FILIP1: variants seen among roughly 807,000 people sequenced by gnomAD.
The protein encoded by FILIP1 is filamin-A-interacting protein 1.
Under a neutral mutation model 102.1 loss-of-function variants are expected in FILIP1, and 61 were observed. The observed-to-expected ratio is 0.60, with a 90% CI of 0.49 to 0.74. The LOEUF (loss-of-function observed/expected upper bound fraction) is 0.74. FILIP1 is among the 30% of genes least tolerant of loss of function. The probability of loss-of-function intolerance (pLI) is 0.00; values close to 1 mark genes in which losing one functional copy is unlikely to be tolerated. For missense variants in FILIP1, 1,314 were observed against 1,441.2 expected (o/e 0.91, Z 1.43); for synonymous variants, 491 against 526.9 (o/e 0.93, Z 0.93).
At chr6:75,305,160 A>C (rs977269933), downstream of FILIP1, among the ~76,000 whole-genome samples, 1 of 152,206 alleles carries the variant, frequency 6.6e-6, no homozygotes, top group African/African-American at 2.4e-5. Context: ...TTTGGGAATC[A>C]TATCTTCCTG....
chr6:75,458,893 A>C (rs1433176444), intron 1 of FILIP1: 2 of 152,160 alleles, frequency 1.3e-5, no homozygotes, highest in African/African-American at 2.4e-5. Context: ...AAAACTACTC[A>C]AAAGAAAAAA....
chr6:75,363,643 T>A (rs1055257729), intron 2 of FILIP1, among the ~76,000 whole-genome samples: 2 of 152,244 alleles, frequency 1.3e-5, no homozygotes, highest in African/African-American at 4.8e-5. Context: ...GTAGGCTTTA[T>A]ATCATACTGT....
At chr6:75,357,362 C>T (rs1258302458) in intron 3 of FILIP1, 1 of 152,200 alleles carries the variant, frequency 6.6e-6, no homozygotes, top group African/African-American at 2.4e-5. Context: ...GTTCTGGGGC[C>T]GCCCAGGCAG....
At chr6:75,384,578 G>A (rs1032679182) in intron 2 of FILIP1, among the ~76,000 whole-genome samples, 1 of 152,034 alleles carries the variant, frequency 6.6e-6, no homozygotes, top group Non-Finnish European at 1.5e-5. Flanking sequence ...TAGTAGGAGT[G>A]AGATTTCGGA....
rs1188168483 is a variant in FILIP1, at chr6:75,312,398, A to G, written c.3434T>C (p.Val1145Ala). Residue 1145 changes from valine to alanine, a missense_variant and splice_region_variant, in exon 5 of 6, where the codon GTG becomes GCG. Val to Ala is a moderately conservative substitution (Grantham distance 64). Around this residue, in one of 3 missense-constraint regions of FILIP1, gnomAD observed 816 missense variants for 913.1 expected, o/e 0.89. Transcript: ENST00000237172. ...CGCTTTGGAGCCTCTTCTACTCACC[A>G]CTGACTGGGTTCCTCGAGCAGATGA... ...TTSSARGTQS[V>A]SGQDGSSQRP... is the part of the protein sequence containing the mutation. 2 of 1,612,172 alleles carry G rather than the reference A, an allele frequency of 1.2e-6. No homozygotes were observed. Among genetic ancestry groups the G allele is most frequent in the Admixed American group, 3.3e-5 (2 of 59,922 alleles).
chr6:75,463,584 C>A (rs961282735), intron 1 of FILIP1, among the ~76,000 whole-genome samples: 4 of 152,168 alleles, frequency 2.6e-5, no homozygotes, highest in African/African-American at 9.7e-5. Context: ...AAACAGTTTT[C>A]TGGATATCAT....
intron 1 of FILIP1, among the ~76,000 whole-genome samples, chr6:75,427,582 G>A (rs930907981): frequency 3.3e-5 from 5 of 152,108 alleles, no homozygotes; most frequent in African/African-American, 1.2e-4. Context: ...TCATTAAGAG[G>A]GAATGGTACA....
At chr6:75,453,927 G>A (rs2149739037) in intron 1 of FILIP1, 1 of 456,268 alleles carries the variant, frequency 2.2e-6, no homozygotes, top group Admixed American at 2.4e-5. Context: ...AATGAAGACA[G>A]AAACAATGAC....
At chr6:75,489,235 T>G (rs545551758) in intron 1 of FILIP1, among the ~76,000 whole-genome samples, 1 of 152,068 alleles carries the variant, frequency 6.6e-6, no homozygotes, top group South Asian at 2.1e-4. Flanking sequence ...TTTTTAGTAA[T>G]GGTTCTATAA....
intron 4 of FILIP1, chr6:75,334,784 G>C (rs2149582581): frequency 6.6e-6 from 1 of 152,282 alleles, no homozygotes; most frequent in Non-Finnish European, 1.5e-5. Flanking sequence ...CCTGTCATCA[G>C]AACAATGAAA....
intron 3 of FILIP1, among the ~76,000 whole-genome samples, chr6:75,355,559 C>T (rs1257903596): frequency 2.6e-5 from 4 of 151,904 alleles, no homozygotes; most frequent in South Asian, 2.1e-4. Flanking sequence ...CAAGTCATCA[C>T]GTCCAGCTAA....
chr6:75,314,181 T>G lies in FILIP1; in HGVS notation c.1651A>C (p.Ser551Arg). ...MDVTEKLIEESKKLLKLKSEM... is the reference protein window; with the variant it reads ...MDVTEKLIEERKKLLKLKSEM... ...GATTTTAGTTTTAAAAGTTTCTTAC[T>G]TTCTTCAATTAGTTTTTCAGTTACA... The change falls in exon 5 of 6, where the codon AGT becomes CGT. Residue 551 changes from serine to arginine, a missense_variant. Coordinates refer to ENST00000237172, the MANE Select transcript of FILIP1 (RefSeq NM_015687.5). The G allele has an allele frequency of 1.3e-6, 2 of 1,551,386 alleles. No individual in the cohort carries two copies. Among genetic ancestry groups the G allele is most frequent in the Non-Finnish European group, 1.7e-6 (2 of 1,160,574 alleles).
intron 1 of FILIP1, among the ~76,000 whole-genome samples, chr6:75,434,864 C>T (rs1777958307): frequency 6.6e-6 from 1 of 152,218 alleles, no homozygotes; most frequent in Admixed American, 6.5e-5. Context: ...TACGTCCCAT[C>T]AATACCTAGT....
intron 4 of FILIP1, among the ~76,000 whole-genome samples, chr6:75,350,563 C>G (rs1774762497): frequency 6.6e-6 from 1 of 152,032 alleles, no homozygotes; most frequent in Non-Finnish European, 1.5e-5. Flanking sequence ...TAAACACATC[C>G]TGCATAGGCT....
intron 6 of FILIP1, among the ~76,000 whole-genome samples, chr6:75,297,740 T>G (rs1020467679): frequency 6.6e-6 from 1 of 152,172 alleles, no homozygotes; most frequent in African/African-American, 2.4e-5. Context: ...CTGCAGTAGA[T>G]TCCAAAGAGT....
chr6:75,425,397 C>G (rs1318308001), intron 1 of FILIP1, among the ~76,000 whole-genome samples: 1 of 152,114 alleles, frequency 6.6e-6, no homozygotes, highest in African/African-American at 2.4e-5. Flanking sequence ...TCAGATTCAG[C>G]GTGGGCAGGA....
chr6:75,410,450 C>T lies in FILIP1; in HGVS notation c.276+4247G>A, dbSNP rs116965593. On this transcript the variant is annotated intron_variant, in intron 2 of 5. Transcript: ENST00000237172. ...TTCTGGGATATATTTGCAGAACATGCGGGTTTGTTACATAGGTATACATGT... is the reference window on the plus strand; with the variant it reads ...TTCTGGGATATATTTGCAGAACATGTGGGTTTGTTACATAGGTATACATGT... Among the ~76,000 whole-genome samples the T allele has an allele frequency of 1.7e-3, 260 of 151,444 alleles. 1 individual carries two copies. The highest frequency in any genetic ancestry group is 6.2e-3 in the East Asian group (32 of 5,144).
chr6:75,398,509 T>A (rs1382389331), intron 2 of FILIP1, among the ~76,000 whole-genome samples: 1 of 152,074 alleles, frequency 6.6e-6, no homozygotes, highest in Non-Finnish European at 1.5e-5. Context: ...GGAGGGAAGA[T>A]CATGAGGAAG....
chr6:75,309,851 TTCAAGCCTGCTCCA>T (rs1005974248), intron 5 of FILIP1, among the ~76,000 whole-genome samples: 4 of 152,312 alleles, frequency 2.6e-5, no homozygotes, highest in African/African-American at 9.6e-5. Context: ...ACTACCATAG[TTCAAGCCTGCTCCA>T]TCATTAAGAT....
Sources: gnomAD v4.1 joint callset for allele counts (sites outside exome capture counted in the v4.1 genomes callset) on GRCh38, gnomAD v4.1.1 for gene constraint, gnomAD v4.1.1 regional missense constraint, MANE v1.5 for transcripts, NCBI Gene and HGNC (gene_info 2026-07-23, HGNC 2026-07-21) for gene names.